CTNNBL1: variants seen among roughly 807,000 people sequenced by gnomAD.
The protein encoded by CTNNBL1 is catenin beta like 1.
A neutral mutation model predicts 72.7 loss-of-function variants in CTNNBL1; 31 were observed. That is an observed-to-expected ratio of 0.43 (90% CI 0.32 to 0.58). The LOEUF is 0.58. Ranked by LOEUF, CTNNBL1 falls within the 20% of genes least tolerant of loss-of-function variation. The probability of loss-of-function intolerance (pLI) is 0.08; values close to 1 mark genes in which losing one functional copy is unlikely to be tolerated. For missense variants in CTNNBL1, 534 were observed against 725.1 expected (o/e 0.74, Z 3.03); for synonymous variants, 240 against 267.3 (o/e 0.90, Z 1.00).
intron 11 of CTNNBL1, among the ~76,000 whole-genome samples, chr20:37,828,488 AG>A (rs2072180040): frequency 6.6e-6 from 1 of 152,184 alleles, no homozygotes; most frequent in African/African-American, 2.4e-5. Context: ...CCTAGCTGTG[AG>A]ACCCTGGAAG....
rs6125975 is a variant in CTNNBL1 at position 37,717,378 on chromosome 20, A to G, written c.31-15501A>G. Among the ~76,000 whole-genome samples, 429 of 152,368 alleles carry G rather than the reference A, an allele frequency of 2.8e-3. 5 individuals are homozygous for G. The highest frequency in any genetic ancestry group is 0.017 in the East Asian group (88 of 5,190). On this transcript the variant is annotated intron_variant, in intron 1 of 15. Coordinates refer to ENST00000361383, the MANE Select transcript of CTNNBL1 (RefSeq NM_030877.5). ...TGTGAGTTCGCTGGTTGCAGAATGC[A>G]TACTCCACTCTCCTCTCTTAGAAAC...
chr20:37,732,972 C>G lies in CTNNBL1; in HGVS notation c.124C>G (p.Arg42Gly). Residue 42 changes from arginine to glycine, a missense_variant, in exon 2 of 16, where the codon CGG (arginine) becomes GGG (glycine). Physicochemically the swap from Arg to Gly is moderately radical, Grantham distance 125. Coordinates refer to ENST00000361383, the MANE Select transcript of CTNNBL1 (RefSeq NM_030877.5). ...TGGTACTCGAGAACGCGGCCGCTAT[C>G]GGGAAGAAGAAATGACTGTGGTGGA... ...QTGTRERGRY[R>G]EEEMTVVEEA... 6.2e-7 allele frequency: 1 copy of G among 1,613,880 alleles called. No homozygotes were observed.
chr20:37,794,419 C>T (rs2073752668), intron 10 of CTNNBL1, among the ~76,000 whole-genome samples: 2 of 152,268 alleles, frequency 1.3e-5, no homozygotes, highest in African/African-American at 2.4e-5. Context: ...TGGGTTCAAG[C>T]GATTCCTGGG....
chr20:37,870,803 G>A (rs112465940), intron 15 of CTNNBL1, among the ~76,000 whole-genome samples: 1,699 of 152,212 alleles, frequency 0.011, 35 homozygotes, highest in African/African-American at 0.039. Context: ...GGCCCCTCCC[G>A]TGGCTCCAGG....
chr20:37,813,077 A>G (rs2072026440), intron 11 of CTNNBL1, among the ~76,000 whole-genome samples: 1 of 152,226 alleles, frequency 6.6e-6, no homozygotes, highest in Admixed American at 6.5e-5. Context: ...GACCATCAGA[A>G]TCATCTGGAA....
intron 11 of CTNNBL1, among the ~76,000 whole-genome samples, chr20:37,815,528 G>A (rs6063629): frequency 0.027 from 4,179 of 152,130 alleles, 84 homozygotes; most frequent in Non-Finnish European, 0.044. Context: ...ATGTTGGTCA[G>A]GCTGCTCTCG....
chr20:37,708,423 C>T (rs1440237006), intron 1 of CTNNBL1, among the ~76,000 whole-genome samples: 6 of 152,150 alleles, frequency 3.9e-5, no homozygotes, highest in African/African-American at 1.4e-4. Context: ...CTGCCCACCT[C>T]AGCCTCCCAA....
intron 15 of CTNNBL1, among the ~76,000 whole-genome samples, chr20:37,871,322 T>A (rs1004441408): frequency 6.6e-6 from 1 of 152,114 alleles, no homozygotes; most frequent in African/African-American, 2.4e-5. Context: ...TGTAACAAAA[T>A]CCCTGAGACT....
intron 10 of CTNNBL1, among the ~76,000 whole-genome samples, chr20:37,795,326 A>G (rs1485297700): frequency 6.6e-6 from 1 of 152,008 alleles, no homozygotes; most frequent in Non-Finnish European, 1.5e-5. Flanking sequence ...TTTAAAAAAA[A>G]TATTTTTAGT....
At chr20:37,720,674 G>A (rs762676716) in intron 1 of CTNNBL1, among the ~76,000 whole-genome samples, 7 of 152,192 alleles carry the variant, frequency 4.6e-5, no homozygotes, top group Non-Finnish European at 1.0e-4. Context: ...TTTGGACTCT[G>A]TTGGGACACT....
chr20:37,706,705 C>T (rs2072888926), intron 1 of CTNNBL1, among the ~76,000 whole-genome samples: 1 of 152,206 alleles, frequency 6.6e-6, no homozygotes, highest in Non-Finnish European at 1.5e-5. Flanking sequence ...TTGTCCTCCT[C>T]CCATGAATTA....
At chr20:37,760,509 G>A (rs1208069715) in intron 5 of CTNNBL1, among the ~76,000 whole-genome samples, 1 of 152,220 alleles carries the variant, frequency 6.6e-6, no homozygotes, top group Non-Finnish European at 1.5e-5. Context: ...TTGGATTATA[G>A]ATGTCTGTTT....
intron 2 of CTNNBL1, among the ~76,000 whole-genome samples, chr20:37,733,697 G>C (rs988146427): frequency 6.6e-5 from 10 of 152,254 alleles, no homozygotes; most frequent in African/African-American, 2.4e-4. Context: ...CCTCCAAGAA[G>C]TCTTTCCTAT....
At chr20:37,694,921 CCATAGGAG>C (rs2072777917) in intron 1 of CTNNBL1, 2 of 152,216 alleles carry the variant, frequency 1.3e-5, no homozygotes, top group African/African-American at 4.8e-5. Context: ...CACTTTGATT[CCATAGGAG>C]GGTCATTGCG....
chr20:37,724,293 T>C lies in CTNNBL1; in HGVS notation c.31-8586T>C, dbSNP rs112871963. Among the ~76,000 whole-genome samples the C allele has an allele frequency of 3.9e-3, 594 of 152,306 alleles. 6 individuals carry two copies. The highest frequency in any genetic ancestry group is 0.014 in the African/African-American group (563 of 41,562). ...CTCTGTTGCCCCCTGTCTGACCTTC[T>C]TATTGAAAGTGTTTATTCTCGAAAA... is the stretch of plus-strand genomic sequence containing the variant. On this transcript the variant is annotated intron_variant, in intron 1 of 15. Transcript: ENST00000361383.
chr20:37,732,744 GC>G, intron 1 of CTNNBL1, 134 bp from the exon 2 acceptor site: 1 of 666,816 alleles, frequency 1.5e-6, no homozygotes. Flanking sequence ...GTTGCCTCAG[GC>G]TGGTCTCAAA....
intron 13 of CTNNBL1, among the ~76,000 whole-genome samples, chr20:37,857,128 A>G (rs1490769928): frequency 6.6e-6 from 1 of 152,244 alleles, no homozygotes; most frequent in East Asian, 1.9e-4. Flanking sequence ...ATTTCGTAGT[A>G]ACTGCTGAAC....
At chr20:37,762,570 G>T (rs1365576618) in intron 5 of CTNNBL1, among the ~76,000 whole-genome samples, 1 of 152,168 alleles carries the variant, frequency 6.6e-6, no homozygotes, top group African/African-American at 2.4e-5. Context: ...TCCAAGGCAA[G>T]GGTTGCCCTG....
chr20:37,740,647 T>G (rs2073208083), intron 3 of CTNNBL1, among the ~76,000 whole-genome samples: 1 of 152,198 alleles, frequency 6.6e-6, no homozygotes, highest in African/African-American at 2.4e-5. Context: ...ACTCTTAAAT[T>G]ATTGAATATC....
Sources: allele counts gnomAD v4.1 joint callset (sites outside exome capture counted in the v4.1 genomes callset), GRCh38; gene constraint gnomAD v4.1.1; transcripts MANE v1.5; gene names NCBI Gene and HGNC (gene_info 2026-07-23, HGNC 2026-07-21).